Variants in NRSN1 observed in about 807,000 individuals in gnomAD.
The protein encoded by NRSN1 is neurensin 1.
NRSN1 carries 14 observed loss-of-function variants against 17.3 expected under a neutral mutation model. That is an observed-to-expected ratio of 0.81 (90% CI 0.54 to 1.27). The LOEUF is 1.27. Ranked by LOEUF, NRSN1 falls within the 50% of genes most tolerant of loss-of-function variation. The probability of loss-of-function intolerance (pLI) is 0.00; values close to 1 mark genes in which losing one functional copy is unlikely to be tolerated. For synonymous variants in NRSN1, 79 were observed against 94.2 expected (o/e 0.84, Z 0.93); for missense variants, 209 against 235.9 (o/e 0.89, Z 0.75).
At chr6:24,136,501 T>C (rs1265362737) in intron 3 of NRSN1, among the ~76,000 whole-genome samples, 1 of 151,908 alleles carries the variant, frequency 6.6e-6, no homozygotes, top group African/African-American at 2.4e-5. Flanking sequence ...TTGGCACATC[T>C]TGTATTTACC....
Position 24,142,191 on chromosome 6 carries a change from CTTT to C in NRSN1, c.190-3336_190-3334del, listed in dbSNP as rs751168423. On this transcript the variant is annotated intron_variant, in intron 3 of 3. Transcript: ENST00000378491. ...AGCACTTATGTCTTATACAGAACAG[CTTT>C]TTTTTTTTTTTTTTTTTTTTCAGAA... Among the ~76,000 whole-genome samples the C allele has an allele frequency of 3.8e-3, 171 of 44,430 alleles. 1 individual carries two copies. Among genetic ancestry groups the C allele is most frequent in the African/African-American group, 0.012 (158 of 13,348 alleles). 29.1% of individuals were successfully genotyped at this position (44,430 alleles called of 152,430 possible).
At chr6:24,138,372 A>AT (rs1228595040) in intron 3 of NRSN1, among the ~76,000 whole-genome samples, 4 of 152,108 alleles carry the variant, frequency 2.6e-5, no homozygotes, top group East Asian at 1.9e-4. Context: ...CTATGGTGGA[A>AT]TTTTTTTTCA....
At chr6:24,138,983 A>C (rs1408030022) in intron 3 of NRSN1, among the ~76,000 whole-genome samples, 1 of 152,188 alleles carries the variant, frequency 6.6e-6, no homozygotes, top group Non-Finnish European at 1.5e-5. Context: ...GAACACTTAA[A>C]ATCTATTCTT....
intron 2 of NRSN1, 88 bp downstream of exon 2, chr6:24,128,288 C>A (rs552696606): frequency 6.6e-6 from 1 of 151,282 alleles, no homozygotes; most frequent in South Asian, 2.1e-4. Context: ...AATATGGGTT[C>A]TTTTCTCATT....
At chr6:24,129,791 A>G (rs182186893) in intron 2 of NRSN1, 1 of 152,326 alleles carries the variant, frequency 6.6e-6, no homozygotes, top group Admixed American at 6.5e-5. Context: ...TAAAAAGAAG[A>G]AATCCATGGA....
intron 2 of NRSN1, among the ~76,000 whole-genome samples, chr6:24,133,261 A>G (rs1581548549): frequency 6.6e-6 from 1 of 152,146 alleles, no homozygotes. Context: ...TCCACATTAT[A>G]CTCTAGCCAC....
chr6:24,136,333 G>T (rs1760118174), intron 3 of NRSN1, among the ~76,000 whole-genome samples: 1 of 152,230 alleles, frequency 6.6e-6, no homozygotes, highest in African/African-American at 2.4e-5. Flanking sequence ...AAGTAACACA[G>T]TTGTTAACAT....
intron 3 of NRSN1, among the ~76,000 whole-genome samples, chr6:24,144,284 G>A (rs183282637): frequency 2.6e-5 from 4 of 152,238 alleles, no homozygotes; most frequent in South Asian, 2.1e-4. Context: ...GGCCATTAAG[G>A]TTCCTTCTCT....
Position 24,142,191 on chromosome 6 carries a change from CTTTTTTTT to C in NRSN1, c.190-3341_190-3334del, listed in dbSNP as rs751168423. 2.5e-4 allele frequency among the ~76,000 whole-genome samples: 11 copies of C among 44,458 alleles called. No individual in the cohort carries two copies. In the South Asian group the frequency reaches 4.4e-3, roughly 18 times the overall value. 29.2% of individuals were successfully genotyped at this position (44,458 alleles called of 152,430 possible). ...AGCACTTATGTCTTATACAGAACAG[CTTTTTTTT>C]TTTTTTTTTTTTTTTCAGAAGACAT... On this transcript the variant is annotated intron_variant, in intron 3 of 3. Coordinates refer to ENST00000378491, the MANE Select transcript of NRSN1 (RefSeq NM_080723.5).
intron 2 of NRSN1, chr6:24,129,747 G>A (rs891692078): frequency 2.0e-5 from 3 of 152,152 alleles, no homozygotes; most frequent in Non-Finnish European, 4.4e-5. Context: ...GTATAACAGT[G>A]CATGCAATTG....
At chr6:24,129,736 T>C (rs1051204300) in intron 2 of NRSN1, 1 of 152,212 alleles carries the variant, frequency 6.6e-6, no homozygotes, top group Non-Finnish European at 1.5e-5. Context: ...ATTCATTTAA[T>C]GTATAACAGT....
At chr6:24,130,896 T>C (rs1278669330) in intron 2 of NRSN1, among the ~76,000 whole-genome samples, 2 of 152,198 alleles carry the variant, frequency 1.3e-5, no homozygotes, top group African/African-American at 4.8e-5. Context: ...GGTCCAACCC[T>C]CTTACTTTAA....
At chr6:24,137,668 G>C (rs1414988602) in intron 3 of NRSN1, among the ~76,000 whole-genome samples, 1 of 152,028 alleles carries the variant, frequency 6.6e-6, no homozygotes, top group Non-Finnish European at 1.5e-5. Context: ...ATCTCCTAAT[G>C]CTATCCCTCC....
At chr6:24,135,831 T>G (rs1760111127) in intron 3 of NRSN1, among the ~76,000 whole-genome samples, 1 of 152,122 alleles carries the variant, frequency 6.6e-6, no homozygotes, top group African/African-American at 2.4e-5. Context: ...CATTGGGACA[T>G]TCCAACATTT....
rs1400256483 is a variant in NRSN1, at chr6:24,140,056, G to A, written c.190-5492G>A. ...ACAGTGTGTCAGAGATAACCACGGG[G>A]AAGGGTTTCAAGAAAGTATAAGTGT... On this transcript the variant is annotated intron_variant, in intron 3 of 3. Transcript: ENST00000378491. Among the ~76,000 whole-genome samples, 3 of 152,340 alleles carry A rather than the reference G, an allele frequency of 2.0e-5. No individual in the cohort carries two copies. The East Asian group carries it at 5.8e-4, about 29-fold the overall frequency.
At chr6:24,133,560 A>G (rs972312818) in intron 2 of NRSN1, among the ~76,000 whole-genome samples, 1 of 152,248 alleles carries the variant, frequency 6.6e-6, no homozygotes, top group Non-Finnish European at 1.5e-5. Flanking sequence ...CTCCATCTTC[A>G]GCAAATGAGA....
chr6:24,135,236 G>A (rs1353672286), intron 3 of NRSN1, among the ~76,000 whole-genome samples: 1 of 152,146 alleles, frequency 6.6e-6, no homozygotes, highest in African/African-American at 2.4e-5. Flanking sequence ...GATGACAGGG[G>A]GTGATGGAGA....
chr6:24,135,336 T>C (rs545177539), intron 3 of NRSN1, among the ~76,000 whole-genome samples: 44 of 152,302 alleles, frequency 2.9e-4, no homozygotes, highest in African/African-American at 1.0e-3. Context: ...CAGACCTGAC[T>C]GAAGGTCATC....
Position 24,146,412 on chromosome 6 carries a change from C to CT in NRSN1, c.*467dup. 2.6e-6 allele frequency: 1 copy of CT among 382,866 alleles called. No homozygotes were observed. The highest frequency in any genetic ancestry group is 7.3e-5 in the East Asian group (1 of 13,682). The allele number at this position is 382,866 out of a possible 1,614,324, so 23.7% of individuals were successfully genotyped here. A position where few individuals can be genotyped will look rare whatever the true frequency, so the allele number is the denominator to read the frequency against. ...TGTGTTCATAGAAACATGGAATTCT[C>CT]TGATTTTGAGCCGAACATGAGTTTT... is the stretch of plus-strand genomic sequence containing the variant. On this transcript the variant is annotated 3_prime_UTR_variant, in exon 4 of 4. Transcript: ENST00000378491.
Sources: gnomAD v4.1 joint callset for allele counts (sites outside exome capture counted in the v4.1 genomes callset) on GRCh38, gnomAD v4.1.1 for gene constraint, MANE v1.5 for transcripts, NCBI Gene and HGNC (gene_info 2026-07-23, HGNC 2026-07-21) for gene names.